Variants in LRP1B observed in about 807,000 individuals in gnomAD.
The protein encoded by LRP1B is LDL receptor related protein 1B.
Under a neutral mutation model 556.6 loss-of-function variants are expected in LRP1B, and 217 were observed. The ratio of observed to expected loss-of-function variants is 0.39; its 90% confidence interval spans 0.35 to 0.44. The LOEUF is 0.44. Among genes scored for constraint, LRP1B ranks in the 20% least tolerant of loss-of-function variants. LRP1B has a pLI of 1.00. For synonymous variants in LRP1B, 2,047 were observed against 1,865.8 expected, an observed-to-expected ratio of 1.10 and a Z score of -2.50; for missense variants, 5,053 against 5,620.8, an observed-to-expected ratio of 0.90 and a Z score of 3.23.
intron 2 of LRP1B, among the ~76,000 whole-genome samples, chr2:141,748,372 T>A (rs1286477706): frequency 6.6e-6 from 1 of 152,180 alleles, no homozygotes; most frequent in African/African-American, 2.4e-5. Context: ...GGAAAAATAT[T>A]TTATCTCTAA....
chr2:140,340,543 G>A (rs1353053884), intron 77 of LRP1B, among the ~76,000 whole-genome samples: 1 of 151,424 alleles, frequency 6.6e-6, no homozygotes, highest in Non-Finnish European at 1.5e-5. Flanking sequence ...AAGGAAATAA[G>A]GAAGTAGGAT....
intron 1 of LRP1B, among the ~76,000 whole-genome samples, chr2:141,998,944 A>G (rs1460040827): frequency 6.6e-6 from 1 of 152,220 alleles, no homozygotes; most frequent in East Asian, 1.9e-4. Context: ...CCTGGATCAG[A>G]GAATGGCCTG....
At chr2:141,390,827 T>A (rs527933328) in intron 3 of LRP1B, among the ~76,000 whole-genome samples, 1 of 152,336 alleles carries the variant, frequency 6.6e-6, no homozygotes, top group African/African-American at 2.4e-5. Context: ...GTTTTGGAAC[T>A]AGACAGAAGT....
Position 140,287,449 on chromosome 2 carries a change from AATTT to A in LRP1B, c.12967+10355_12967+10358del, listed in dbSNP as rs200901642. On this transcript the variant is annotated intron_variant, in intron 84 of 90. Transcript: ENST00000389484. Reference sequence around the variant, plus strand: ...TTCATTATGTCGTCCTATCCATCTGAATTTATTTGTTTCTGCCAATAAGTTGATT... The same window carrying A: ...TTCATTATGTCGTCCTATCCATCTGAATTTGTTTCTGCCAATAAGTTGATT... Among the ~76,000 whole-genome samples, 204 of 151,804 alleles carry A rather than the reference AATTT, an allele frequency of 1.3e-3. 2 individuals carry two copies. In the East Asian group the frequency reaches 0.033, roughly 24 times the overall value.
chr2:140,785,092 T>A (rs898450212), intron 32 of LRP1B, among the ~76,000 whole-genome samples: 1 of 152,034 alleles, frequency 6.6e-6, no homozygotes, highest in Non-Finnish European at 1.5e-5. Flanking sequence ...CAAAAGACAT[T>A]ATAGTATAAT....
At chr2:141,479,296 T>C (rs1446272795) in intron 3 of LRP1B, among the ~76,000 whole-genome samples, 2 of 152,162 alleles carry the variant, frequency 1.3e-5, no homozygotes, top group East Asian at 1.9e-4. Flanking sequence ...CCAGACAGGT[T>C]TTGTTTGGGC....
At chr2:141,605,206 A>G (rs1374179673) in intron 2 of LRP1B, among the ~76,000 whole-genome samples, 4 of 152,128 alleles carry the variant, frequency 2.6e-5, no homozygotes, top group Non-Finnish European at 4.4e-5. Flanking sequence ...CCTGTTTTGT[A>G]TGACACTTGA....
chr2:141,266,876 A>C (rs183164075), intron 3 of LRP1B, among the ~76,000 whole-genome samples: 268 of 152,358 alleles, frequency 1.8e-3, no homozygotes, highest in African/African-American at 6.1e-3. Flanking sequence ...GCTAAAAAAT[A>C]AATGTATAAT....
intron 1 of LRP1B, among the ~76,000 whole-genome samples, chr2:142,047,406 A>G (rs1704298341): frequency 6.6e-6 from 1 of 152,086 alleles, no homozygotes; most frequent in Non-Finnish European, 1.5e-5. Context: ...TTTCAACAGA[A>G]AAAAAGCTCA....
At chr2:141,235,732 G>T (rs1363654082) in intron 5 of LRP1B, among the ~76,000 whole-genome samples, 2 of 152,096 alleles carry the variant, frequency 1.3e-5, no homozygotes, top group African/African-American at 2.4e-5. Flanking sequence ...GCCAGACACT[G>T]TAATACATGG....
chr2:140,311,813 G>C, intron 83 of LRP1B, among the ~76,000 whole-genome samples: 1 of 151,852 alleles, frequency 6.6e-6, no homozygotes, highest in Non-Finnish European at 1.5e-5. Context: ...TCAAAGAAAA[G>C]CAAAGATGGG....
chr2:140,262,141 A>G (rs1297355229), intron 86 of LRP1B, among the ~76,000 whole-genome samples: 1 of 152,126 alleles, frequency 6.6e-6, no homozygotes. Flanking sequence ...CTTGACTACA[A>G]TGCCGAAACT....
chr2:141,254,726 T>C, intron 3 of LRP1B, 85 bp from the exon 4 acceptor site: 2 of 1,034,024 alleles, frequency 1.9e-6, no homozygotes, highest in South Asian at 1.8e-5. Context: ...CCTTACACTA[T>C]AGTCTTGATT....
At chr2:140,909,010 G>T (rs999067789) in intron 21 of LRP1B, among the ~76,000 whole-genome samples, 1 of 152,126 alleles carries the variant, frequency 6.6e-6, no homozygotes, top group Non-Finnish European at 1.5e-5. Flanking sequence ...TGTTGGTCAG[G>T]CTGGTCTCAA....
chr2:140,590,377 T>C (rs1043525877), intron 43 of LRP1B, among the ~76,000 whole-genome samples: 1 of 150,546 alleles, frequency 6.6e-6, no homozygotes, highest in Non-Finnish European at 1.5e-5. Flanking sequence ...TTTTTTCCTA[T>C]AGAAAATGAT....
intron 41 of LRP1B, among the ~76,000 whole-genome samples, chr2:140,660,057 T>G (rs533532261): frequency 9.8e-4 from 149 of 152,212 alleles, no homozygotes; most frequent in Middle Eastern, 3.4e-3. Flanking sequence ...ATGTGATACA[T>G]GCTTATAGTG....
Position 140,917,919 on chromosome 2 carries a change from G to A in LRP1B, c.3319+5046C>T, listed in dbSNP as rs148238138. On this transcript the variant is annotated intron_variant, in intron 21 of 90. Coordinates refer to ENST00000389484, the MANE Select transcript of LRP1B (RefSeq NM_018557.3). ...ACCACTTTGGTGCAGTATATTGACAGTAAAGAAAGCTGTGCATGTGAGGGC... is the reference window on the plus strand; with the variant it reads ...ACCACTTTGGTGCAGTATATTGACAATAAAGAAAGCTGTGCATGTGAGGGC... Among the ~76,000 whole-genome samples the A allele has an allele frequency of 9.2e-5, 14 of 152,196 alleles. No homozygotes were observed. The East Asian group carries it at 2.5e-3, about 27-fold the overall frequency.
intron 2 of LRP1B, among the ~76,000 whole-genome samples, chr2:141,601,884 G>A (rs1687758128): frequency 6.6e-6 from 1 of 152,038 alleles, no homozygotes; most frequent in Non-Finnish European, 1.5e-5. Flanking sequence ...TTATGGGCAT[G>A]AGCCACCGCG....
chr2:140,304,936 T>TG (rs1684002634), intron 83 of LRP1B, among the ~76,000 whole-genome samples: 1 of 152,192 alleles, frequency 6.6e-6, no homozygotes, highest in Admixed American at 6.5e-5. Flanking sequence ...TTCTTGTTTT[T>TG]GTCAGGTTTG....
Sources: allele counts gnomAD v4.1 joint callset (sites outside exome capture counted in the v4.1 genomes callset), GRCh38; gene constraint gnomAD v4.1.1; transcripts MANE v1.5; gene names NCBI Gene and HGNC (gene_info 2026-07-23, HGNC 2026-07-21).